The following RANBP3 variants were observed in gnomAD, a reference collection of about 807,000 sequenced individuals.
RANBP3 encodes RAN binding protein 3.
RANBP3 carries 14 observed loss-of-function variants against 77.3 expected under a neutral mutation model. The ratio of observed to expected loss-of-function variants is 0.18; its 90% confidence interval spans 0.12 to 0.28. The LOEUF is 0.28. Among genes scored for constraint, RANBP3 ranks in the 10% least tolerant of loss-of-function variants. RANBP3 has a pLI of 1.00. For missense variants in RANBP3, 586 were observed against 752.3 expected, an observed-to-expected ratio of 0.78 and a Z score of 2.59; for synonymous variants, 315 against 312.4, an observed-to-expected ratio of 1.01 and a Z score of -0.09.
rs764650233 is a variant in RANBP3, at chr19:5,924,691, CCT to C, written c.996+134_996+135del. ...CAGGCTGAGTCTGAGCAGGGTCTTCCCTCTCTCACTTGCTACTGAAGGCATCC... is the reference window on the plus strand; with the variant it reads ...CAGGCTGAGTCTGAGCAGGGTCTTCCCTCTCACTTGCTACTGAAGGCATCC... On this transcript the variant is annotated intron_variant, in intron 11 of 16. Transcript: ENST00000340578. This position sits in a 1 kb window ranked among gnomAD's most constrained non-coding sequence, Gnocchi z 4.7. The C allele has an allele frequency of 2.3e-6, 2 of 887,176 alleles. No homozygotes were observed. Among genetic ancestry groups the C allele is most frequent in the Non-Finnish European group, 3.7e-6 (2 of 542,078 alleles). 55.0% of individuals were successfully genotyped at this position (887,176 alleles called of 1,614,324 possible).
chr19:5,965,040 G>A (rs1487545394), intron 1 of RANBP3, among the ~76,000 whole-genome samples: 2 of 152,106 alleles, frequency 1.3e-5, no homozygotes, highest in African/African-American at 4.8e-5. Context: ...TGGGGATCCT[G>A]GTGGAAGGGG....
intron 5 of RANBP3, among the ~76,000 whole-genome samples, chr19:5,938,345 A>G (rs1427606965): frequency 1.3e-5 from 2 of 152,322 alleles, no homozygotes; most frequent in African/African-American, 4.8e-5. Context: ...TGAAAGACCA[A>G]AAAGGCAGGC....
chr19:5,967,104 G>T (rs1170156510), intron 1 of RANBP3, among the ~76,000 whole-genome samples: 1 of 152,210 alleles, frequency 6.6e-6, no homozygotes, highest in Admixed American at 6.5e-5. Context: ...GTACGGAATG[G>T]AACTGATCTC....
chr19:5,947,481 G>A (rs1042198434), intron 3 of RANBP3, among the ~76,000 whole-genome samples: 29 of 152,160 alleles, frequency 1.9e-4, no homozygotes, highest in African/African-American at 7.0e-4. Context: ...CTCTACTGCT[G>A]CGAGGCGCAG....
chr19:5,972,625 T>C (rs2058543848), intron 1 of RANBP3, among the ~76,000 whole-genome samples: 1 of 152,198 alleles, frequency 6.6e-6, no homozygotes, highest in Admixed American at 6.5e-5. Flanking sequence ...TGGTAAGTTT[T>C]GAGGAACGGC....
At chr19:5,977,391 G>GAAGTGCAGCAAAAAGGGCCA in intron 1 of RANBP3, among the ~76,000 whole-genome samples, 1 of 152,264 alleles carries the variant, frequency 6.6e-6, no homozygotes, top group South Asian at 2.1e-4. Context: ...CTCTTGTCTG[G>GAAGTGCAGCAAAAAGGGCCA]AAGTGCAGCA....
At chr19:5,948,226 G>A (rs867117526) in intron 3 of RANBP3, among the ~76,000 whole-genome samples, 9 of 152,068 alleles carry the variant, frequency 5.9e-5, no homozygotes, top group South Asian at 2.1e-4. Flanking sequence ...CGAGGTCGGC[G>A]GATCACAAGG....
chr19:5,942,119 G>A (rs936586567), intron 3 of RANBP3, among the ~76,000 whole-genome samples: 2 of 152,108 alleles, frequency 1.3e-5, no homozygotes, highest in Non-Finnish European at 2.9e-5. Flanking sequence ...ACGCTAACTG[G>A]CCTGCCACCC....
At chr19:5,974,179 C>A (rs974847889) in intron 1 of RANBP3, among the ~76,000 whole-genome samples, 1 of 152,172 alleles carries the variant, frequency 6.6e-6, no homozygotes, top group African/African-American at 2.4e-5. Context: ...CACAGGACAG[C>A]CCCTCCCGCC....
At position 5,923,695 on chromosome 19, in the gene RANBP3, T is replaced by C; in HGVS notation, c.1099+117A>G. On this transcript the variant is annotated intron_variant, in intron 12 of 16. Transcript: ENST00000340578. ...GGCCCTGGAGCTGGTTCACATGTGG[T>C]TGTTACTGCTGCGGGAGTCGGGCCC... 9.4e-6 allele frequency: 7 copies of C among 744,874 alleles called. No homozygotes were observed. In the South Asian group the frequency reaches 1.0e-4, roughly 11 times the overall value. The allele number at this position is 744,874 out of a possible 1,614,324, so 46.1% of individuals were successfully genotyped here.
chr19:5,963,680 G>GACA (rs1479855139), intron 1 of RANBP3, among the ~76,000 whole-genome samples: 1 of 152,196 alleles, frequency 6.6e-6, no homozygotes, highest in Non-Finnish European at 1.5e-5. Context: ...GACCACTGTG[G>GACA]ACAACACTGG....
intron 1 of RANBP3, among the ~76,000 whole-genome samples, chr19:5,972,037 A>G (rs771724480): frequency 6.6e-6 from 1 of 152,294 alleles, no homozygotes; most frequent in Non-Finnish European, 1.5e-5. Context: ...CTGAAATCTC[A>G]GAATTTTAAG....
intron 1 of RANBP3, among the ~76,000 whole-genome samples, chr19:5,964,920 T>A (rs1289415964): frequency 6.6e-6 from 1 of 151,324 alleles, no homozygotes; most frequent in Non-Finnish European, 1.5e-5. Flanking sequence ...TGCACATTTA[T>A]ACCTGCATGT....
chr19:5,954,462 C>T (rs367674241), intron 2 of RANBP3, among the ~76,000 whole-genome samples: 4 of 152,014 alleles, frequency 2.6e-5, no homozygotes, highest in African/African-American at 7.3e-5. Flanking sequence ...ATGAGACACC[C>T]GTGGAAGAAT....
intron 14 of RANBP3, among the ~76,000 whole-genome samples, chr19:5,919,989 G>A (rs976872845): frequency 6.6e-6 from 1 of 152,098 alleles, no homozygotes; most frequent in South Asian, 2.1e-4. Context: ...CCAGAGCAGT[G>A]TTTCTGATTG....
intron 1 of RANBP3, among the ~76,000 whole-genome samples, chr19:5,964,325 C>T (rs941692235): frequency 3.9e-5 from 6 of 152,328 alleles, no homozygotes; most frequent in Non-Finnish European, 8.8e-5. Flanking sequence ...CCCCCACCTC[C>T]ACCCAGTCAT....
chr19:5,937,934 C>T lies in RANBP3; in HGVS notation c.406+3687G>A, dbSNP rs376928925. Among the ~76,000 whole-genome samples the T allele has an allele frequency of 7.9e-4, 121 of 152,262 alleles. 1 individual carries two copies. The highest frequency in any genetic ancestry group is 2.8e-3 in the African/African-American group (115 of 41,544). On this transcript the variant is annotated intron_variant, in intron 5 of 16. Coordinates refer to ENST00000340578, the MANE Select transcript of RANBP3 (RefSeq NM_007322.3). ...TCACCTAAAGCAGAACCTGCCTCACCGTGGCAGGCTCTGTGCCCCCATCCA... is the reference window on the plus strand; with the variant it reads ...TCACCTAAAGCAGAACCTGCCTCACTGTGGCAGGCTCTGTGCCCCCATCCA...
At chr19:5,927,827 G>A (rs2057932936) in intron 9 of RANBP3, 141 bp downstream of exon 9, 10 of 1,100,990 alleles carry the variant, frequency 9.1e-6, no homozygotes, top group Admixed American at 2.9e-5. Flanking sequence ...AGACTGTGCC[G>A]TGAGCCATGG....
chr19:5,968,280 G>C (rs562325322), intron 1 of RANBP3, among the ~76,000 whole-genome samples: 3 of 152,228 alleles, frequency 2.0e-5, no homozygotes, highest in Non-Finnish European at 4.4e-5. Context: ...ACTGGAGAGC[G>C]CGGGCTCTGG....
Sources: gnomAD v4.1 joint callset for allele counts (sites outside exome capture counted in the v4.1 genomes callset) on GRCh38, gnomAD v4.1.1 for gene constraint, Gnocchi (gnomAD v3.1) non-coding constraint, MANE v1.5 for transcripts, NCBI Gene and HGNC (gene_info 2026-07-23, HGNC 2026-07-21) for gene names.